Variants in FTO observed in about 807,000 individuals in gnomAD.
The protein encoded by FTO is alpha-ketoglutarate-dependent dioxygenase FTO.
FTO carries 47 observed loss-of-function variants against 63.9 expected under a neutral mutation model. The ratio of observed to expected loss-of-function variants is 0.74; its 90% CI spans 0.58 to 0.94. The LOEUF (loss-of-function observed/expected upper bound fraction) is 0.94, where lower values mean the gene tolerates loss of function less well. FTO is among the 40% of genes least tolerant of loss of function. FTO has a pLI of 0.00. For synonymous variants in FTO, 207 were observed against 224.4 expected (o/e 0.92, Z 0.69); for missense variants, 562 against 618.1 (o/e 0.91, Z 0.96).
chr16:53,849,771 C>G (rs915505965), intron 4 of FTO, among the ~76,000 whole-genome samples: 1 of 152,188 alleles, frequency 6.6e-6, no homozygotes, highest in Non-Finnish European at 1.5e-5. Flanking sequence ...CCACTGGAGT[C>G]TGTAGCCCTG....
chr16:54,014,550 T>A (rs1010680641), intron 8 of FTO, among the ~76,000 whole-genome samples: 4 of 152,062 alleles, frequency 2.6e-5, no homozygotes, highest in Admixed American at 2.6e-4. Flanking sequence ...CAAATAAACT[T>A]CTTTTTTTAT....
intron 8 of FTO, among the ~76,000 whole-genome samples, chr16:54,013,086 A>G (rs1455402465): frequency 6.6e-6 from 1 of 152,206 alleles, no homozygotes; most frequent in African/African-American, 2.4e-5. Flanking sequence ...TCTGGGAAGG[A>G]TTCACCATTC....
chr16:54,089,504 A>G (rs1359692705), intron 8 of FTO, among the ~76,000 whole-genome samples: 1 of 152,212 alleles, frequency 6.6e-6, no homozygotes, highest in Non-Finnish European at 1.5e-5. Context: ...GTTGGGAGAC[A>G]CGGTTAAGAG....
intron 5 of FTO, 91 bp downstream of exon 5, chr16:53,873,956 T>A (rs1451914208): frequency 2.0e-6 from 2 of 979,538 alleles, no homozygotes; most frequent in Admixed American, 3.5e-5. Flanking sequence ...GGAAGAGTAT[T>A]TGATGGGAAA....
chr16:54,083,316 G>C (rs551904606), intron 8 of FTO, among the ~76,000 whole-genome samples: 59 of 152,150 alleles, frequency 3.9e-4, no homozygotes, highest in African/African-American at 1.4e-3. Context: ...TTGGCAACAC[G>C]CCCGCTGTTT....
At chr16:53,867,643 G>A (rs971004815) in intron 4 of FTO, among the ~76,000 whole-genome samples, 1 of 152,006 alleles carries the variant, frequency 6.6e-6, no homozygotes, top group Non-Finnish European at 1.5e-5. Context: ...AATGCTCCAT[G>A]TGAGCTTGAT....
intron 1 of FTO, among the ~76,000 whole-genome samples, chr16:53,730,095 G>C (rs1051282391): frequency 6.6e-6 from 1 of 152,182 alleles, no homozygotes; most frequent in African/African-American, 2.4e-5. Context: ...GATATAATCA[G>C]ATTGGACAGT....
chr16:53,851,580 C>A (rs1361711081), intron 4 of FTO, among the ~76,000 whole-genome samples: 1 of 152,094 alleles, frequency 6.6e-6, no homozygotes, highest in East Asian at 1.9e-4. Context: ...CCTTGCTTTC[C>A]CATCTGGTCC....
At chr16:53,995,320 A>C (rs12596862) in intron 8 of FTO, among the ~76,000 whole-genome samples, 20,905 of 152,268 alleles carry the variant, frequency 0.14, 1,727 homozygotes, top group Admixed American at 0.26. Context: ...TTCTTCCCTT[A>C]AAAAATACCA....
At chr16:53,861,160 T>C (rs2080164846) in intron 4 of FTO, among the ~76,000 whole-genome samples, 1 of 152,156 alleles carries the variant, frequency 6.6e-6, no homozygotes, top group South Asian at 2.1e-4. Context: ...TTTATTTCCA[T>C]AGGAAAAATT....
intron 8 of FTO, among the ~76,000 whole-genome samples, chr16:53,951,055 T>C (rs1034672214): frequency 1.3e-5 from 2 of 152,262 alleles, no homozygotes; most frequent in Admixed American, 1.3e-4. Flanking sequence ...ATATATTTGC[T>C]GTAAAGTTGT....
chr16:54,099,932 T>G (rs1429900213), intron 8 of FTO, among the ~76,000 whole-genome samples: 10 of 152,200 alleles, frequency 6.6e-5, no homozygotes, highest in African/African-American at 2.4e-4. Flanking sequence ...TAGTTCTTTC[T>G]GGACCCAAAG....
At chr16:53,817,043 T>C (rs1567323029) in intron 2 of FTO, among the ~76,000 whole-genome samples, 1 of 152,258 alleles carries the variant, frequency 6.6e-6, no homozygotes, top group Non-Finnish European at 1.5e-5. Flanking sequence ...TTGGTTTCCA[T>C]TTTGGTTTAT....
chr16:53,955,693 A>G (rs2082913134), intron 8 of FTO, among the ~76,000 whole-genome samples: 1 of 152,212 alleles, frequency 6.6e-6, no homozygotes, highest in South Asian at 2.1e-4. Context: ...AATCAAGGTT[A>G]TAGTTTAGTT....
intron 1 of FTO, among the ~76,000 whole-genome samples, chr16:53,791,119 T>C (rs909360154): frequency 6.6e-6 from 1 of 152,184 alleles, no homozygotes; most frequent in Non-Finnish European, 1.5e-5. Context: ...GAGTTGGCCA[T>C]TGGCCTTGGG....
At chr16:53,875,451 T>C (rs1379778131) in intron 5 of FTO, among the ~76,000 whole-genome samples, 2 of 152,222 alleles carry the variant, frequency 1.3e-5, no homozygotes, top group Admixed American at 6.5e-5. Flanking sequence ...TGTAAGTCTT[T>C]TTAGAACAGT....
At position 53,950,165 on chromosome 16, in the gene FTO, A is replaced by AAAAAAAAACAAAAAAAAAAAAAAAAAAAC. The variant is rs1555497348; in HGVS notation, c.1364+16064_1364+16065insCAAAAAAAAAAAAAAAAAAACAAAAAAAA. Among the ~76,000 whole-genome samples the AAAAAAAAACAAAAAAAAAAAAAAAAAAAC allele has an allele frequency of 2.0e-5, 3 of 147,090 alleles. No homozygotes were observed. In the East Asian group the frequency reaches 5.9e-4, roughly 29 times the overall value. On this transcript the variant is annotated intron_variant, in intron 8 of 8. Transcript: ENST00000471389. ...AGATATTCACATTTGTAAAAAAAAA[A>AAAAAAAAACAAAAAAAAAAAAAAAAAAAC]AAAAAAAAAAAAAACTTAATCCATG...
chr16:53,731,186 A>G (rs1387652337), intron 1 of FTO, among the ~76,000 whole-genome samples: 1 of 152,202 alleles, frequency 6.6e-6, no homozygotes, highest in Admixed American at 6.5e-5. Flanking sequence ...TGGAGAGTTC[A>G]GTAATGGGCA....
chr16:53,956,604 A>G (rs1290754702), intron 8 of FTO: 2 of 151,972 alleles, frequency 1.3e-5, no homozygotes, highest in East Asian at 3.9e-4. Context: ...ACAAGCAGAA[A>G]TGCTATAAAA....
Sources: allele counts gnomAD v4.1 joint callset (sites outside exome capture counted in the v4.1 genomes callset), GRCh38; gene constraint gnomAD v4.1.1; transcripts MANE v1.5; gene names NCBI Gene and HGNC (gene_info 2026-07-23, HGNC 2026-07-21).